Variants in DPP6 observed in about 807,000 individuals in gnomAD.
The protein encoded by DPP6 is A-type potassium channel modulatory protein DPP6.
DPP6 carries 69 observed loss-of-function variants against 122.6 expected under a neutral mutation model. That is an observed-to-expected ratio of 0.56 (90% CI 0.46 to 0.69). The LOEUF (loss-of-function observed/expected upper bound fraction) is 0.69. Ranked by LOEUF, DPP6 falls within the 30% of genes least tolerant of loss-of-function variation. DPP6 has a pLI of 0.00. For missense variants in DPP6, 928 were observed against 1,116.9 expected (o/e 0.83, Z 2.41); for synonymous variants, 418 against 433.1 (o/e 0.97, Z 0.43).
chr7:153,749,863 TA>T, the DPP6 span, among the ~76,000 whole-genome samples: 2 of 152,232 alleles, frequency 1.3e-5, no homozygotes, highest in African/African-American at 4.8e-5. The surrounding 1 kb of genome is among the most constrained non-coding windows in gnomAD (Gnocchi z 4.1). Flanking sequence ...TATATTTTTT[TA>T]AATCGAAAAA....
intron 5 of DPP6, among the ~76,000 whole-genome samples, chr7:154,570,218 A>C (rs1435781596): frequency 6.6e-6 from 1 of 151,974 alleles, no homozygotes; most frequent in East Asian, 1.9e-4. Context: ...GAGTTTAGAC[A>C]CAAATAGTAC....
At chr7:153,996,860 A>G (rs1216463661) in intron 1 of DPP6, among the ~76,000 whole-genome samples, 2 of 152,334 alleles carry the variant, frequency 1.3e-5, no homozygotes, top group African/African-American at 2.4e-5. Flanking sequence ...TGGTTGTTCT[A>G]AAAGGAAACC....
chr7:153,989,568 C>T (rs945314851), intron 1 of DPP6, among the ~76,000 whole-genome samples: 2 of 151,834 alleles, frequency 1.3e-5, no homozygotes, highest in African/African-American at 4.8e-5. Context: ...CCAACGTGTG[C>T]GGGAAGCAGG....
the DPP6 span, among the ~76,000 whole-genome samples, chr7:153,871,744 C>G: frequency 6.6e-6 from 1 of 152,220 alleles, no homozygotes; most frequent in Non-Finnish European, 1.5e-5. Context: ...CTGCGTCGCT[C>G]ACGCTGGGAG....
intron 1 of DPP6, among the ~76,000 whole-genome samples, chr7:154,416,469 C>T (rs989581042): frequency 1.1e-4 from 17 of 152,186 alleles, no homozygotes; most frequent in African/African-American, 3.9e-4. Flanking sequence ...AGAGAAACCA[C>T]AGTCACATAA....
In DPP6 at chr7:154,875,772, G is replaced by T; in HGVS notation, c.1884-134G>T. The stretch of plus-strand genomic sequence containing the variant: ...TCACCTGCCCGGGGCAACAGAATCT[G>T]GGGTATGGAGTTGAGCGTGTGGCAG... On this transcript the variant is annotated intron_variant, in intron 19 of 25. Transcript: ENST00000377770. The surrounding 1 kb of genome is among the most constrained non-coding windows in gnomAD (Gnocchi z 4.5). 7.7e-7 allele frequency: 1 copy of T among 1,296,200 alleles called. No individual in the cohort carries two copies. Among genetic ancestry groups the T allele is most frequent in the South Asian group, 1.5e-5 (1 of 67,904 alleles). 80.3% of individuals were successfully genotyped at this position (1,296,200 alleles called of 1,614,324 possible).
chr7:154,061,733 A>C (rs959033495), intron 1 of DPP6, among the ~76,000 whole-genome samples: 963 of 71,124 alleles, frequency 0.014, 2 homozygotes, highest in Non-Finnish European at 0.017. Flanking sequence ...GGGGACTGCG[A>C]ACCTCCCCCT....
chr7:154,087,927 C>G (rs1337908055), intron 1 of DPP6, among the ~76,000 whole-genome samples: 2 of 152,226 alleles, frequency 1.3e-5, no homozygotes, highest in African/African-American at 4.8e-5. Flanking sequence ...GCACTTCGCA[C>G]AGTGTTGGAA....
At chr7:154,076,506 T>C (rs923451690) in intron 1 of DPP6, among the ~76,000 whole-genome samples, 8 of 150,140 alleles carry the variant, frequency 5.3e-5, no homozygotes, top group African/African-American at 1.7e-4. Flanking sequence ...ATATAAAAAA[T>C]ATAGGAAAAG....
intron 1 of DPP6, among the ~76,000 whole-genome samples, chr7:154,080,503 A>G (rs549408491): frequency 1.8e-3 from 280 of 152,346 alleles, no homozygotes; most frequent in Admixed American, 2.9e-3. Flanking sequence ...ATTACAGGCT[A>G]TGACACATAT....
At chr7:154,293,226 A>G (rs1407374556) in intron 1 of DPP6, among the ~76,000 whole-genome samples, 2 of 152,238 alleles carry the variant, frequency 1.3e-5, no homozygotes, top group Non-Finnish European at 2.9e-5. Context: ...TGTCTGATGA[A>G]TGACGGAATC....
chr7:154,867,926 C>A lies in DPP6; in HGVS notation c.1715-69C>A, dbSNP rs1209870223. 3 of 1,487,964 alleles carry A rather than the reference C, an allele frequency of 2.0e-6. No individual in the cohort carries two copies. The Admixed American group carries it at 7.2e-5, about 36-fold the overall frequency. The allele number at this position is 1,487,964 out of a possible 1,614,324, so 92.2% of individuals were successfully genotyped here. ...AAGCAGCAGTTACGCACATGAAAAG[C>A]CATGGCCCGCAGAGGTCCTCCATGA... On this transcript the variant is annotated intron_variant, in intron 17 of 25. Coordinates refer to ENST00000377770, the MANE Select transcript of DPP6 (RefSeq NM_130797.4).
intron 1 of DPP6, among the ~76,000 whole-genome samples, chr7:154,294,414 C>G (rs770695779): frequency 2.0e-5 from 3 of 152,104 alleles, no homozygotes; most frequent in Non-Finnish European, 2.9e-5. Flanking sequence ...ACTTGAATGT[C>G]ATTTATATTG....
Position 154,043,511 on chromosome 7 carries a change from C to G in DPP6, c.51+155777C>G, listed in dbSNP as rs531478291. ...GAGGATCAGTATTATAACCAGGTAT[C>G]TTATTGGAAGTCTTGTGTTTTATCT... On this transcript the variant is annotated intron_variant, in intron 1 of 25. Coordinates refer to the DPP6 transcript ENST00000404039. 7.7e-4 allele frequency among the ~76,000 whole-genome samples: 108 copies of G among 139,776 alleles called. 1 individual carries two copies. The highest frequency in any genetic ancestry group is 2.6e-3 in the African/African-American group (98 of 37,690). The allele number at this position is 139,776 out of a possible 152,430, so 91.7% of individuals were successfully genotyped here. A position where few individuals can be genotyped will look rare whatever the true frequency, so the allele number is the denominator to read the frequency against.
chr7:154,452,592 A>T (rs892295464), intron 2 of DPP6, among the ~76,000 whole-genome samples: 3 of 152,242 alleles, frequency 2.0e-5, no homozygotes, highest in African/African-American at 7.2e-5. Flanking sequence ...ATTGCAACTC[A>T]GAGTACAGTA....
intron 5 of DPP6, among the ~76,000 whole-genome samples, chr7:154,621,836 G>A (rs1206043766): frequency 6.6e-6 from 1 of 152,030 alleles, no homozygotes; most frequent in Non-Finnish European, 1.5e-5. Flanking sequence ...CAACCTGCTG[G>A]CAAACAGTGC....
At chr7:153,848,733 C>G in the DPP6 span, among the ~76,000 whole-genome samples, 2 of 152,154 alleles carry the variant, frequency 1.3e-5, no homozygotes, top group East Asian at 3.9e-4. Context: ...TTCACAAAAT[C>G]TCTCTTAAGC....
chr7:153,887,023 G>A (rs558760456), upstream of DPP6: 1 of 152,318 alleles, frequency 6.6e-6, no homozygotes, highest in Non-Finnish European at 1.5e-5. Context: ...TGTCTGGGGA[G>A]GGGCTGCCCT....
At chr7:154,172,032 A>G (rs1169150617) in intron 1 of DPP6, among the ~76,000 whole-genome samples, 2 of 152,134 alleles carry the variant, frequency 1.3e-5, no homozygotes, top group East Asian at 1.9e-4. Flanking sequence ...AGGACAGCCC[A>G]TGGTCAAGCC....
Sources: gnomAD v4.1 joint callset for allele counts (sites outside exome capture counted in the v4.1 genomes callset) on GRCh38, gnomAD v4.1.1 for gene constraint, Gnocchi (gnomAD v3.1) non-coding constraint, MANE v1.5 for transcripts, NCBI Gene and HGNC (gene_info 2026-07-23, HGNC 2026-07-21) for gene names.